Variants in SLC38A2 observed in about 807,000 individuals in gnomAD.
The protein encoded by SLC38A2 is sodium-coupled neutral amino acid symporter 2.
In SLC38A2, 11 loss-of-function variants were observed where a neutral mutation model predicts 61.5. That is an observed-to-expected ratio of 0.18 (90% CI 0.11 to 0.30). The LOEUF (loss-of-function observed/expected upper bound fraction) is 0.30, where lower values mean the gene tolerates loss of function less well. Ranked by LOEUF, SLC38A2 falls within the 10% of genes least tolerant of loss-of-function variation. SLC38A2 has a pLI of 1.00. For missense variants in SLC38A2, 522 were observed against 600.4 expected (o/e 0.87, Z 1.36); for synonymous variants, 217 against 212.5 (o/e 1.02, Z -0.18).
At position 46,364,523 on chromosome 12, in the gene SLC38A2, C is replaced by T. The variant is rs953905415; in HGVS notation, c.739G>A (p.Val247Met). 6.2e-7 allele frequency: 1 copy of T among 1,611,464 alleles called. No homozygotes were observed. Among genetic ancestry groups the T allele is most frequent in the Admixed American group, 1.7e-5 (1 of 59,554 alleles). The change falls in exon 10 of 16, where the codon GTG becomes ATG. Residue 247 changes from valine (V) to methionine (M), a missense_variant. By Grantham distance (21) the Val-to-Met change is conservative (BLOSUM62 1). Around this residue, in one of 3 missense-constraint regions of SLC38A2, gnomAD observed 309 missense variants for 343.9 expected, o/e 0.90. Transcript: ENST00000256689. ...ICKKFQVPCP[V>M]EAALIINETI... ...TCGTTAATTATCAAAGCAGCTTCCA[C>T]AGGACACGGAACCTGAAATTTCTTG...
At chr12:46,369,887 ATAAG>A (rs986451886) in intron 4 of SLC38A2, among the ~76,000 whole-genome samples, 11 of 152,212 alleles carry the variant, frequency 7.2e-5, no homozygotes, top group Admixed American at 5.9e-4. Context: ...CCATTTAAAA[ATAAG>A]TACTTACTAA....
In SLC38A2 at chr12:46,371,318, G is replaced by A. The variant is rs2120574672; in HGVS notation, c.-25C>T. ...TGCTAAGCACTGGGAGGAATCGGGTGCAGCTAGTAGCGCTGGGCTCCTTTT... is the reference window on the plus strand; with the variant it reads ...TGCTAAGCACTGGGAGGAATCGGGTACAGCTAGTAGCGCTGGGCTCCTTTT... On this transcript the variant is annotated 5_prime_UTR_variant, in exon 2 of 16. Transcript: ENST00000256689. The A allele has an allele frequency of 1.3e-6, 2 of 1,583,740 alleles. No individual in the cohort carries two copies. The highest frequency in any genetic ancestry group is 1.7e-6 in the Non-Finnish European group (2 of 1,152,554).
At chr12:46,370,712 A>G in intron 3 of SLC38A2, 64 bp downstream of exon 3, 1 of 1,538,152 alleles carries the variant, frequency 6.5e-7, no homozygotes, top group Non-Finnish European at 9.0e-7. Flanking sequence ...TTTGAATTCT[A>G]AAAGTAAAAC....
intron 10 of SLC38A2, 64 bp from the exon 11 acceptor site, chr12:46,364,067 A>G (rs1171870204): frequency 3.8e-5 from 51 of 1,359,136 alleles, no homozygotes; most frequent in Non-Finnish European, 5.1e-5. Flanking sequence ...ACATTTCCGC[A>G]GCATATATTT....
At chr12:46,362,813 T>TA (rs1943097583) in intron 13 of SLC38A2, 175 bp from the exon 14 acceptor site, 1 of 926,704 alleles carries the variant, frequency 1.1e-6, no homozygotes. Flanking sequence ...TCTGAACACT[T>TA]AAAGATCATT....
In SLC38A2 at chr12:46,360,665, T is replaced by C. The variant is rs1249729389; in HGVS notation, c.*446A>G. On this transcript the variant is annotated 3_prime_UTR_variant, in exon 16 of 16. Transcript: ENST00000256689. ...GTGCTTCTGAGGTCTTTAAGTATTT[T>C]TGGTACAAAAAATAATAGTGTTTTT... The C allele has an allele frequency of 6.5e-6, 1 of 154,268 alleles. No individual in the cohort carries two copies. Among genetic ancestry groups the C allele is most frequent in the Non-Finnish European group, 1.4e-5 (1 of 69,218 alleles). 9.6% of individuals were successfully genotyped at this position (154,268 alleles called of 1,614,324 possible).
intron 15 of SLC38A2, 152 bp from the exon 16 acceptor site, chr12:46,361,361 A>G (rs1473419303): frequency 1.5e-6 from 1 of 672,566 alleles, no homozygotes; most frequent in East Asian, 2.7e-5. Flanking sequence ...TAAACTCCTA[A>G]GTGATCAGTA....
Position 46,371,343 on chromosome 12 carries a change from T to G in SLC38A2, c.-50A>C. 6.7e-7 allele frequency: 1 copy of G among 1,498,870 alleles called. No homozygotes were observed. Among genetic ancestry groups the G allele is most frequent in the Non-Finnish European group, 9.3e-7 (1 of 1,076,802 alleles). 92.8% of individuals were successfully genotyped at this position (1,498,870 alleles called of 1,614,324 possible). ...GCAGCTAGTAGCGCTGGGCTCCTTT[T>G]GTCCTTGGCGGTGGGTGCAGCGGCC... On this transcript the variant is annotated 5_prime_UTR_variant, in exon 2 of 16. Transcript: ENST00000256689.
At chr12:46,364,861 G>C (rs776737858) in intron 8 of SLC38A2, 159 bp from the exon 9 acceptor site, 4 of 693,150 alleles carry the variant, frequency 5.8e-6, no homozygotes, top group Non-Finnish European at 9.5e-6. Context: ...CTAAATTATA[G>C]ATTTATTTAA....
In SLC38A2 at chr12:46,372,616, A is replaced by C. The variant is rs910746367; in HGVS notation, c.-194T>G. 1.1e-4 allele frequency: 42 copies of C among 398,350 alleles called. No homozygotes were observed. Among genetic ancestry groups the C allele is most frequent in the African/African-American group, 8.0e-4 (39 of 48,640 alleles). 24.7% of individuals were successfully genotyped at this position (398,350 alleles called of 1,614,324 possible). A position where few individuals can be genotyped will look rare whatever the true frequency, so the allele number is the denominator to read the frequency against. On this transcript the variant is annotated 5_prime_UTR_variant, in exon 1 of 16. Coordinates refer to ENST00000256689, the MANE Select transcript of SLC38A2 (RefSeq NM_018976.5). The stretch of plus-strand genomic sequence containing the variant: ...TTCCCCAAATCCAACAACAGGCAGG[A>C]AAAATAATTTTAATAAAAAAGGAAA...
In SLC38A2 at chr12:46,360,899, TG is replaced by T; in HGVS notation, c.*211del. ...TCCCTTAACCCGAGACTCGTGGTTT[TG>T]TTGTTCATATCCATTTCTAACATAC... On this transcript the variant is annotated 3_prime_UTR_variant, in exon 16 of 16. Transcript: ENST00000256689. 2.0e-6 allele frequency: 1 copy of T among 492,186 alleles called. No individual in the cohort carries two copies. Among genetic ancestry groups the T allele is most frequent in the South Asian group, 3.8e-5 (1 of 26,616 alleles). 30.5% of individuals were successfully genotyped at this position (492,186 alleles called of 1,614,324 possible).
chr12:46,372,058 C>T (rs1188432749), intron 1 of SLC38A2, among the ~76,000 whole-genome samples: 12 of 152,234 alleles, frequency 7.9e-5, no homozygotes, highest in Non-Finnish European at 1.8e-4. Flanking sequence ...AAAACTGATG[C>T]AATATCGATC....
At chr12:46,371,502 C>T (rs1239238113) in intron 1 of SLC38A2, 123 bp from the exon 2 acceptor site, 5 of 528,238 alleles carry the variant, frequency 9.5e-6, no homozygotes, top group Non-Finnish European at 3.3e-6. Context: ...GTACCAGCCG[C>T]GCGCGAGGGG....
intron 1 of SLC38A2, among the ~76,000 whole-genome samples, chr12:46,371,937 G>A (rs1433650323): frequency 6.6e-6 from 1 of 152,170 alleles, no homozygotes; most frequent in Admixed American, 6.5e-5. Flanking sequence ...CCCGGGCCCC[G>A]GGAGCTGGGG....
Position 46,362,642 on chromosome 12 carries a change from C to CA in SLC38A2, c.1180-5dup, listed in dbSNP as rs755947254. On this transcript the variant is annotated splice_region_variant and splice_polypyrimidine_tract_variant and intron_variant, in intron 13 of 15. Coordinates refer to ENST00000256689, the MANE Select transcript of SLC38A2 (RefSeq NM_018976.5). ...AGTGAGTTACAGAACTCCGGATCTG[C>CA]AAAAAAAATAAATAAAATGTATTTT... 78 of 1,548,168 alleles carry CA rather than the reference C, an allele frequency of 5.0e-5. No individual in the cohort carries two copies. The highest frequency in any genetic ancestry group is 3.1e-4 in the African/African-American group (22 of 70,118).
intron 12 of SLC38A2, 118 bp from the exon 13 acceptor site, chr12:46,363,263 G>A: frequency 8.5e-7 from 1 of 1,171,578 alleles, no homozygotes; most frequent in Non-Finnish European, 1.2e-6. Context: ...TATAAACTAA[G>A]AGGCTAATAA....
intron 7 of SLC38A2, 152 bp from the exon 8 acceptor site, chr12:46,365,341 A>G (rs1565828394): frequency 4.5e-6 from 3 of 671,538 alleles, no homozygotes; most frequent in Non-Finnish European, 7.9e-6. Context: ...CAAGATAGGA[A>G]TAACTTTTTA....
intron 4 of SLC38A2, among the ~76,000 whole-genome samples, chr12:46,370,063 T>C (rs748158853): frequency 6.6e-6 from 1 of 152,212 alleles, no homozygotes; most frequent in Non-Finnish European, 1.5e-5. Flanking sequence ...ACACCTTGTA[T>C]GTTTAGAGAA....
intron 15 of SLC38A2, 88 bp downstream of exon 15, chr12:46,362,196 C>T: frequency 9.3e-7 from 1 of 1,072,238 alleles, no homozygotes. Flanking sequence ...GAAACCATAA[C>T]AAATAACAGC....
Sources: allele counts gnomAD v4.1 joint callset (sites outside exome capture counted in the v4.1 genomes callset), GRCh38; gene constraint gnomAD v4.1.1; regional missense constraint gnomAD v4.1.1; transcripts MANE v1.5; gene names NCBI Gene and HGNC (gene_info 2026-07-23, HGNC 2026-07-21).